The following ARMC9 variants were observed in gnomAD, a reference collection of about 807,000 sequenced individuals.
The protein encoded by ARMC9 is lisH domain-containing protein ARMC9.
A neutral mutation model predicts 107.0 loss-of-function variants in ARMC9; 94 were observed. The observed-to-expected ratio is 0.88, with a 90% CI of 0.74 to 1.04. The LOEUF is 1.04. Ranked by LOEUF, ARMC9 falls within the 50% of genes least tolerant of loss-of-function variation. The pLI, the probability that ARMC9 is intolerant of heterozygous loss-of-function variation, is 0.00. For synonymous variants in ARMC9, 380 were observed against 396.9 expected (o/e 0.96, Z 0.51); for missense variants, 942 against 1,030.1 (o/e 0.91, Z 1.17).
intron 2 of ARMC9, 140 bp from the exon 3 acceptor site, chr2:231,207,987 T>A (rs902158818): frequency 5.7e-6 from 3 of 526,198 alleles, no homozygotes; most frequent in Non-Finnish European, 1.0e-5. Flanking sequence ...TGATTGTTAG[T>A]GATGTTAAGC....
At chr2:231,222,903 A>T in intron 6 of ARMC9, 83 bp downstream of exon 6, 1 of 856,046 alleles carries the variant, frequency 1.2e-6, no homozygotes, top group Admixed American at 2.7e-5. Flanking sequence ...AGGTTTATTG[A>T]GGTTGCCTCA....
chr2:231,277,431 T>C (rs1361625246), intron 15 of ARMC9, among the ~76,000 whole-genome samples: 1 of 152,140 alleles, frequency 6.6e-6, no homozygotes, highest in East Asian at 1.9e-4. Flanking sequence ...AACAGCTGGC[T>C]CAGGAGGACT....
chr2:231,343,070 G>T (rs7587249), intron 20 of ARMC9, among the ~76,000 whole-genome samples: 16,806 of 151,916 alleles, frequency 0.11, 3,136 homozygotes, highest in African/African-American at 0.38. Flanking sequence ...TGCACCACCA[G>T]GCCTAGCTAA....
intron 8 of ARMC9, among the ~76,000 whole-genome samples, 190 bp from the exon 9 acceptor site, chr2:231,239,753 A>C (rs2036109363): frequency 6.6e-6 from 1 of 152,232 alleles, no homozygotes; most frequent in Non-Finnish European, 1.5e-5. Context: ...TTGTTCTGTC[A>C]GGGCCGGTAC....
intron 8 of ARMC9, among the ~76,000 whole-genome samples, chr2:231,239,035 C>A (rs2036034064): frequency 6.6e-6 from 1 of 152,096 alleles, no homozygotes. Context: ...TGGAAGTTCC[C>A]CCAGGTGGAA....
At chr2:231,251,372 C>T (rs957242022) in intron 9 of ARMC9, among the ~76,000 whole-genome samples, 1 of 151,768 alleles carries the variant, frequency 6.6e-6, no homozygotes, top group African/African-American at 2.4e-5. Flanking sequence ...TCACCATATT[C>T]GCCAGGCTAG....
At chr2:231,280,878 G>T (rs149830986) in intron 16 of ARMC9, among the ~76,000 whole-genome samples, 4 of 152,194 alleles carry the variant, frequency 2.6e-5, no homozygotes, top group African/African-American at 9.7e-5. Flanking sequence ...ATGTTCAGTC[G>T]TGCTAGTTCA....
intron 21 of ARMC9, among the ~76,000 whole-genome samples, chr2:231,355,130 G>A (rs888916739): frequency 6.6e-6 from 1 of 152,170 alleles, no homozygotes; most frequent in Non-Finnish European, 1.5e-5. Flanking sequence ...CTTGAGCCCA[G>A]GAGTTCGAGA....
chr2:231,352,485 T>TTTATTTA (rs1553635569), intron 21 of ARMC9, among the ~76,000 whole-genome samples: 14 of 151,612 alleles, frequency 9.2e-5, no homozygotes, highest in African/African-American at 1.9e-4. Flanking sequence ...TATTTTATTT[T>TTTATTTA]TTTATTTATT....
At chr2:231,332,410 A>G (rs1282443519) in intron 20 of ARMC9, among the ~76,000 whole-genome samples, 3 of 152,124 alleles carry the variant, frequency 2.0e-5, no homozygotes, top group South Asian at 4.1e-4. Context: ...GAAAGTGAGT[A>G]GTCACTGCGT....
intron 15 of ARMC9, among the ~76,000 whole-genome samples, chr2:231,277,999 G>A (rs765673662): frequency 2.0e-5 from 3 of 152,104 alleles, no homozygotes; most frequent in Non-Finnish European, 4.4e-5. Context: ...GGTGGTGTCC[G>A]TGCGTGGGAG....
chr2:231,276,804 A>G, intron 15 of ARMC9, 29 bp downstream of exon 15: 1 of 1,611,188 alleles, frequency 6.2e-7, no homozygotes. Flanking sequence ...ATTCTAGTGC[A>G]AGAAGGGGAA....
At chr2:231,240,399 C>T (rs1400204003) in intron 9 of ARMC9, among the ~76,000 whole-genome samples, 1 of 152,130 alleles carries the variant, frequency 6.6e-6, no homozygotes, top group African/African-American at 2.4e-5. Context: ...TTTTTTCCCC[C>T]TAACTTTTTA....
At chr2:231,361,219 C>T (rs778869402) in intron 23 of ARMC9, among the ~76,000 whole-genome samples, 12 of 152,078 alleles carry the variant, frequency 7.9e-5, no homozygotes, top group Non-Finnish European at 1.6e-4. Context: ...CAGCTTTTTG[C>T]ATTTGGAGGA....
chr2:231,311,796 A>AT (rs2042368652), intron 19 of ARMC9, among the ~76,000 whole-genome samples: 1 of 125,130 alleles, frequency 8.0e-6, no homozygotes, highest in Non-Finnish European at 1.7e-5. Context: ...AAAAAAAAAA[A>AT]TATTGTGCAG....
intron 12 of ARMC9, among the ~76,000 whole-genome samples, chr2:231,266,869 A>G (rs74663015): frequency 0.15 from 22,411 of 152,266 alleles, 1,875 homozygotes; most frequent in South Asian, 0.25. Flanking sequence ...GCTACTGTGG[A>G]TAGTGCTGCT....
Position 231,272,805 on chromosome 2 carries a change from C to A in ARMC9, c.1211-150C>A, listed in dbSNP as rs983701301. On this transcript the variant is annotated intron_variant, in intron 13 of 24. Coordinates refer to ENST00000611582, the MANE Select transcript of ARMC9 (RefSeq NM_001352754.2). ...TGCTAGGATTACAGGCGTGAGCCAC[C>A]GCGCCCTGCCCAGTAAGTTTTTTAG... The A allele has an allele frequency of 7.0e-6, 7 of 1,005,164 alleles. No individual in the cohort carries two copies. The African/African-American group carries it at 9.8e-5, about 14-fold the overall frequency. 62.3% of individuals were successfully genotyped at this position (1,005,164 alleles called of 1,614,324 possible).
chr2:231,256,080 G>T (rs995412138), intron 9 of ARMC9: 6 of 1,541,522 alleles, frequency 3.9e-6, no homozygotes, highest in Non-Finnish European at 5.2e-6. Context: ...CCGCCAGACC[G>T]CCGCCGCGCC....
chr2:231,375,833 G>A lies in ARMC9; in HGVS notation c.*4298G>A, dbSNP rs142022990. Among the ~76,000 whole-genome samples the A allele has an allele frequency of 6.6e-6, 1 of 152,272 alleles. No homozygotes were observed. The highest frequency in any genetic ancestry group is 2.4e-5 in the African/African-American group (1 of 41,548). ...GGGACTAGAGAAATAGGAAACTGGG[G>A]ACAGAACCCGGGGGTGAGAAAGAAG... On this transcript the variant is annotated 3_prime_UTR_variant, in exon 25 of 25. Transcript: ENST00000611582. This position sits in a 1 kb window ranked among gnomAD's most constrained non-coding sequence, Gnocchi z 4.3.
Sources: gnomAD v4.1 joint callset for allele counts (sites outside exome capture counted in the v4.1 genomes callset) on GRCh38, gnomAD v4.1.1 for gene constraint, Gnocchi (gnomAD v3.1) non-coding constraint, MANE v1.5 for transcripts, NCBI Gene and HGNC (gene_info 2026-07-23, HGNC 2026-07-21) for gene names.